The following SLC25A25 variants were observed in gnomAD, a reference collection of about 807,000 sequenced individuals.
SLC25A25 encodes solute carrier family 25 member 25.
In SLC25A25, 32 loss-of-function variants were observed where a neutral mutation model predicts 57.7. The ratio of observed to expected loss-of-function variants is 0.55; its 90% CI spans 0.42 to 0.74. The LOEUF (loss-of-function observed/expected upper bound fraction) is 0.74, where lower values mean the gene tolerates loss of function less well. SLC25A25 is among the 30% of genes least tolerant of loss of function. SLC25A25 has a pLI of 0.00. For missense variants in SLC25A25, 556 were observed against 701.3 expected, an observed-to-expected ratio of 0.79 and a Z score of 2.34; for synonymous variants, 306 against 291.2, an observed-to-expected ratio of 1.05 and a Z score of -0.52.
intron 1 of SLC25A25, chr9:128,098,445 G>A: frequency 6.9e-7 from 1 of 1,456,432 alleles, no homozygotes; most frequent in South Asian, 1.5e-5. Flanking sequence ...AAAAGGGCAG[G>A]GCTTAAGCAG....
chr9:128,108,259 G>C lies in SLC25A25; in HGVS notation c.*815G>C, dbSNP rs528071747. 2.9e-4 allele frequency: 116 copies of C among 399,268 alleles called. No homozygotes were observed. The highest frequency in any genetic ancestry group is 9.3e-5 in the Non-Finnish European group (21 of 226,174). 24.7% of individuals were successfully genotyped at this position (399,268 alleles called of 1,614,324 possible). ...GCACCATGTTTGAGGGCGAAGGGCA[G>C]AGCGTTTGTGTGTTCTGGGGAGGGA... is the stretch of plus-strand genomic sequence containing the variant. On this transcript the variant is annotated 3_prime_UTR_variant, in exon 11 of 11. Transcript: ENST00000373069.
intron 1 of SLC25A25, among the ~76,000 whole-genome samples, chr9:128,079,497 G>A (rs748460016): frequency 2.0e-5 from 3 of 147,858 alleles, no homozygotes; most frequent in Non-Finnish European, 3.0e-5. Context: ...TGTGGCTCAC[G>A]CCTGTAATCC....
intron 1 of SLC25A25, chr9:128,098,545 G>C: frequency 6.2e-7 from 1 of 1,603,906 alleles, no homozygotes; most frequent in Non-Finnish European, 8.5e-7. Flanking sequence ...GAGGGCAGTG[G>C]AGCACCCAGC....
At chr9:128,091,764 C>T in intron 1 of SLC25A25, 2 of 1,491,596 alleles carry the variant, frequency 1.3e-6, no homozygotes, top group East Asian at 2.3e-5. Context: ...AGCCTGAGAA[C>T]CCCAGGCCCG....
At chr9:128,071,269 GAGAGCCT>G (rs1832902671) in intron 1 of SLC25A25, among the ~76,000 whole-genome samples, 1 of 152,142 alleles carries the variant, frequency 6.6e-6, no homozygotes, top group Non-Finnish European at 1.5e-5. Flanking sequence ...ATTAACCAAA[GAGAGCCT>G]AGCCCCTTGG....
chr9:128,092,092 A>G (rs376495535), intron 1 of SLC25A25: 16 of 1,612,140 alleles, frequency 9.9e-6, no homozygotes, highest in Non-Finnish European at 1.3e-5. Context: ...TTCCTAAGGT[A>G]ATGTTGGCCT....
rs191060669 is a variant in SLC25A25, at chr9:128,108,597, C to T, written c.*1153C>T. 184 of 197,522 alleles carry T rather than the reference C, an allele frequency of 9.3e-4. No homozygotes were observed. Among genetic ancestry groups the T allele is most frequent in the South Asian group, 2.7e-3 (14 of 5,192 alleles). The allele number at this position is 197,522 out of a possible 1,614,324, so 12.2% of individuals were successfully genotyped here. A position where few individuals can be genotyped will look rare whatever the true frequency, so the allele number is the denominator to read the frequency against. ...ATTAATAGCTTGTCATTTTCAAGTTCATTTTTTATTCATATTTATGTTCAT... is the reference window on the plus strand; with the variant it reads ...ATTAATAGCTTGTCATTTTCAAGTTTATTTTTTATTCATATTTATGTTCAT... On this transcript the variant is annotated 3_prime_UTR_variant, in exon 11 of 11. Transcript: ENST00000373069.
At chr9:128,100,579 C>A (rs1170488135) in intron 1 of SLC25A25, among the ~76,000 whole-genome samples, 1 of 152,164 alleles carries the variant, frequency 6.6e-6, no homozygotes, top group Non-Finnish European at 1.5e-5. Flanking sequence ...CACCTGCCCA[C>A]CAAATTATTC....
chr9:128,098,025 C>A (rs1250988060), intron 1 of SLC25A25, among the ~76,000 whole-genome samples: 1 of 152,246 alleles, frequency 6.6e-6, no homozygotes, highest in East Asian at 1.9e-4. Context: ...CACCCCTCAG[C>A]CTCCTATCCT....
rs749342875 is a variant in SLC25A25, at chr9:128,105,745, GCAA to G, written c.806_808del (p.Asn269del). Reference sequence around the variant, plus strand: ...CCCTCCCAGGTCCATGCCTCCCGCAGCAACAACATGGGCATCGTTGGTGGCTTC... The same window carrying G: ...CCCTCCCAGGTCCATGCCTCCCGCAGCAACATGGGCATCGTTGGTGGCTTC... On this transcript the variant is annotated inframe_deletion, in exon 7 of 11. Coordinates refer to ENST00000373069, the MANE Select transcript of SLC25A25 (RefSeq NM_001330988.2). 14 of 1,613,270 alleles carry G rather than the reference GCAA, an allele frequency of 8.7e-6. No individual in the cohort carries two copies. In the African/African-American group the frequency reaches 9.3e-5, roughly 11 times the overall value.
intron 1 of SLC25A25, among the ~76,000 whole-genome samples, chr9:128,083,227 C>CAAAAA (rs1190331501): frequency 4.8e-5 from 3 of 62,822 alleles, no homozygotes; most frequent in African/African-American, 1.1e-4. Flanking sequence ...GACTCCGTCT[C>CAAAAA]AAAAAAAAAA....
At position 128,091,562 on chromosome 9, in the gene SLC25A25, A is replaced by T. The variant is rs1219089133; in HGVS notation, c.262-9534A>T. ...TTTCCTTTTCTTTTTTTTTTTTTTTAAAAAAAAGCCAAACGTTTGCTCACC... is the reference window on the plus strand; with the variant it reads ...TTTCCTTTTCTTTTTTTTTTTTTTTTAAAAAAAGCCAAACGTTTGCTCACC... On this transcript the variant is annotated intron_variant, in intron 1 of 10. Transcript: ENST00000373069. 7.6e-3 allele frequency: 7,332 copies of T among 960,726 alleles called. 40 individuals carry two copies. Among genetic ancestry groups the T allele is most frequent in the African/African-American group, 0.031 (1,185 of 38,424 alleles). The allele number at this position is 960,726 out of a possible 1,614,324, so 59.5% of individuals were successfully genotyped here. A position where few individuals can be genotyped will look rare whatever the true frequency, so the allele number is the denominator to read the frequency against.
At chr9:128,097,791 C>G (rs544447900) in intron 1 of SLC25A25, among the ~76,000 whole-genome samples, 1 of 152,330 alleles carries the variant, frequency 6.6e-6, no homozygotes, top group Admixed American at 6.5e-5. Context: ...ATGTCAGCTC[C>G]TGGGCACTCT....
chr9:128,086,328 A>ATTTTTTTTTT (rs35134996), intron 1 of SLC25A25, among the ~76,000 whole-genome samples: 1 of 95,468 alleles, frequency 1.0e-5, no homozygotes, highest in Admixed American at 1.2e-4. Flanking sequence ...TACTCGGCTA[A>ATTTTTTTTTT]TTTTTTTTTT....
chr9:128,108,578 AG>A lies in SLC25A25; in HGVS notation c.*1135del. 1 of 229,282 alleles carries A rather than the reference AG, an allele frequency of 4.4e-6. No homozygotes were observed. 14.2% of individuals were successfully genotyped at this position (229,282 alleles called of 1,614,324 possible). A position where few individuals can be genotyped will look rare whatever the true frequency, so the allele number is the denominator to read the frequency against. On this transcript the variant is annotated 3_prime_UTR_variant, in exon 11 of 11. Transcript: ENST00000373069. ...ATTTTTATAGATTTGTTTAATTAAT[AG>A]CTTGTCATTTTCAAGTTCATTTTTT... is the stretch of plus-strand genomic sequence containing the variant.
chr9:128,090,411 C>T (rs957326212), intron 1 of SLC25A25, among the ~76,000 whole-genome samples: 25 of 149,548 alleles, frequency 1.7e-4, no homozygotes, highest in African/African-American at 6.1e-4. Flanking sequence ...CGGGGTTTCA[C>T]CATGTTGGCC....
Position 128,099,275 on chromosome 9 carries a change from T to G in SLC25A25, c.262-1821T>G. ...TAATCAGTTTCCCTGCTACCCCCAG[T>G]GCCCACTGTGCACCAAGGGGGATTT... On this transcript the variant is annotated intron_variant, in intron 1 of 10. Coordinates refer to ENST00000373069, the MANE Select transcript of SLC25A25 (RefSeq NM_001330988.2). The surrounding 1 kb of genome is among the most constrained non-coding windows in gnomAD (Gnocchi z 6.8). The G allele has an allele frequency of 7.8e-7, 1 of 1,288,804 alleles. No individual in the cohort carries two copies. Among genetic ancestry groups the G allele is most frequent in the South Asian group, 1.2e-5 (1 of 81,000 alleles). The allele number at this position is 1,288,804 out of a possible 1,614,324, so 79.8% of individuals were successfully genotyped here.
intron 1 of SLC25A25, among the ~76,000 whole-genome samples, chr9:128,088,976 G>T (rs1188517564): frequency 1.3e-5 from 2 of 152,132 alleles, no homozygotes; most frequent in African/African-American, 4.8e-5. Flanking sequence ...CCAGGCTGCA[G>T]CCTCCACTTC....
At chr9:128,077,487 A>C (rs1186948820) in intron 1 of SLC25A25, among the ~76,000 whole-genome samples, 1 of 145,518 alleles carries the variant, frequency 6.9e-6, no homozygotes, top group Non-Finnish European at 1.5e-5. Flanking sequence ...ACTGCACTCC[A>C]GCCTGGGCGA....
Sources: allele counts gnomAD v4.1 joint callset (sites outside exome capture counted in the v4.1 genomes callset), GRCh38; gene constraint gnomAD v4.1.1; non-coding constraint Gnocchi (gnomAD v3.1); transcripts MANE v1.5; gene names NCBI Gene and HGNC (gene_info 2026-07-23, HGNC 2026-07-21).